SLC16A4: variants seen among roughly 807,000 people sequenced by gnomAD.
SLC16A4 encodes solute carrier family 16 member 4.
SLC16A4 carries 39 observed loss-of-function variants against 47.9 expected under a neutral mutation model. The observed-to-expected ratio is 0.81, with a 90% CI of 0.63 to 1.06. The LOEUF is 1.06. SLC16A4 is among the 50% of genes least tolerant of loss of function. SLC16A4 has a pLI of 0.00. For synonymous variants in SLC16A4, 189 were observed against 199.9 expected (o/e 0.95, Z 0.46); for missense variants, 524 against 573.8 (o/e 0.91, Z 0.89).
chr1:110,366,242 C>G (rs1375079407), intron 8 of SLC16A4, among the ~76,000 whole-genome samples: 2 of 152,028 alleles, frequency 1.3e-5, no homozygotes, highest in Admixed American at 1.3e-4. Flanking sequence ...ACTGCAACCT[C>G]CGACCCGCAG....
chr1:110,373,443 T>C (rs1473800330), intron 8 of SLC16A4, among the ~76,000 whole-genome samples: 5 of 152,300 alleles, frequency 3.3e-5, no homozygotes, highest in African/African-American at 4.8e-5. Flanking sequence ...AAGGTACTTC[T>C]GGTATTTGGC....
At chr1:110,388,320 C>T (rs996226351) in intron 2 of SLC16A4, among the ~76,000 whole-genome samples, 3 of 152,150 alleles carry the variant, frequency 2.0e-5, no homozygotes, top group South Asian at 2.1e-4. Context: ...TGGAATGCCT[C>T]GTCTAGTTGC....
intron 1 of SLC16A4, among the ~76,000 whole-genome samples, 196 bp downstream of exon 1, chr1:110,390,669 A>G (rs1191524892): frequency 1.3e-5 from 2 of 152,214 alleles, no homozygotes; most frequent in Non-Finnish European, 2.9e-5. Flanking sequence ...GCAAAAAGAA[A>G]ATGTAAATGT....
chr1:110,363,934 G>T, intron 8 of SLC16A4, 41 bp from the exon 9 acceptor site: 1 of 1,585,768 alleles, frequency 6.3e-7, no homozygotes, highest in Non-Finnish European at 8.5e-7. Context: ...AGGAAATTTT[G>T]CCATTAGTAA....
intron 8 of SLC16A4, chr1:110,375,147 T>TTTAA: frequency 4.9e-6 from 1 of 204,380 alleles, no homozygotes; most frequent in Admixed American, 5.7e-5. Flanking sequence ...TTTTTTTTTT[T>TTTAA]AAAGCATCAT....
At chr1:110,378,707 T>C in intron 6 of SLC16A4, 146 bp downstream of exon 6, 1 of 867,928 alleles carries the variant, frequency 1.2e-6, no homozygotes, top group Non-Finnish European at 1.7e-6. Context: ...GCCCAGGTGC[T>C]CCATCTAGCC....
chr1:110,389,112 C>T (rs907314392), intron 2 of SLC16A4, 125 bp downstream of exon 2: 40 of 866,462 alleles, frequency 4.6e-5, no homozygotes, highest in African/African-American at 1.0e-4. Flanking sequence ...GGCCTTGTTC[C>T]TGCCCACCCC....
intron 5 of SLC16A4, 44 bp downstream of exon 5, chr1:110,380,938 T>C: frequency 1.3e-6 from 2 of 1,568,642 alleles, no homozygotes; most frequent in Non-Finnish European, 1.8e-6. Context: ...AGCTGAACGC[T>C]AAATCTTGCA....
rs1168628124 is a variant in SLC16A4 at position 110,379,150 on chromosome 1, C to T, written c.733G>A (p.Ala245Thr). ...STIKDSTTQK[A>T]GLPSKNLTVS... ...GTTAAATTTTTGCTAGGTAGTCCAG[C>T]CTTCTGCGTAGTACTGTCCTTGATG... The change falls in exon 6 of 9, where the codon GCT (alanine) becomes ACT (threonine). Residue 245 changes from alanine (A) to threonine (T), a missense_variant. By Grantham distance (58) the Ala-to-Thr change is moderately conservative. Coordinates refer to ENST00000369779, the MANE Select transcript of SLC16A4 (RefSeq NM_004696.3). 2.5e-6 allele frequency: 4 copies of T among 1,614,094 alleles called. No homozygotes were observed. The highest frequency in any genetic ancestry group is 2.5e-6 in the Non-Finnish European group (3 of 1,180,058).
chr1:110,383,805 G>GGTTTTTTTTT (rs1557913543), intron 2 of SLC16A4, among the ~76,000 whole-genome samples: 5 of 65,738 alleles, frequency 7.6e-5, no homozygotes, highest in East Asian at 1.1e-3. Flanking sequence ...TTAAAAGGAG[G>GGTTTTTTTTT]TTTTTTTTTT....
In SLC16A4 at chr1:110,382,864, A is replaced by G. The variant is rs1349602539; in HGVS notation, c.190T>C (p.Ser64Pro). 1 of 1,611,024 alleles carries G rather than the reference A, an allele frequency of 6.2e-7. No homozygotes were observed. Among genetic ancestry groups the G allele is most frequent in the African/African-American group, 1.3e-5 (1 of 74,868 alleles). Residue 64 changes from serine (S) to proline (P), a missense_variant, in exon 3 of 9, where the codon TCC becomes CCC. Physicochemically the swap from Ser to Pro is moderately conservative, Grantham distance 74. Transcript: ENST00000369779. ...GTSEQIGWIG[S>P]IMSSLRFCAG... The stretch of plus-strand genomic sequence containing the variant: ...CAAAAACGAAGAGATGACATGATGG[A>G]TCCAATCCAACCAATTTGCTCTGAG...
At chr1:110,364,096 G>A (rs528171498) in intron 8 of SLC16A4, among the ~76,000 whole-genome samples, 2 of 152,296 alleles carry the variant, frequency 1.3e-5, no homozygotes, top group South Asian at 4.1e-4. Flanking sequence ...CAATCTTACA[G>A]TGGAAGTTGG....
At position 110,379,483 on chromosome 1, in the gene SLC16A4, G is replaced by A. The variant is rs115233913; in HGVS notation, c.527-127C>T. On this transcript the variant is annotated intron_variant, in intron 5 of 8. Transcript: ENST00000369779. ...TTCTTGAAAACATTACTTTGTCTCC[G>A]ATTTGACTTATTAGTCATATACACT... is the stretch of plus-strand genomic sequence containing the variant. The A allele has an allele frequency of 2.2e-3, 1,890 of 857,562 alleles. 44 individuals are homozygous for A. In the African/African-American group the frequency reaches 0.029, roughly 13 times the overall value. 53.1% of individuals were successfully genotyped at this position (857,562 alleles called of 1,614,324 possible). A position where few individuals can be genotyped will look rare whatever the true frequency, so the allele number is the denominator to read the frequency against.
At chr1:110,380,103 CT>C (rs1345451580) in intron 5 of SLC16A4, among the ~76,000 whole-genome samples, 1 of 140,986 alleles carries the variant, frequency 7.1e-6, no homozygotes, top group Non-Finnish European at 1.5e-5. Flanking sequence ...CATGGATAGC[CT>C]TTCATCCCAT....
At chr1:110,368,919 G>A (rs1327877923) in intron 8 of SLC16A4, among the ~76,000 whole-genome samples, 3 of 151,612 alleles carry the variant, frequency 2.0e-5, no homozygotes, top group Admixed American at 6.6e-5. Context: ...AGACATCTCA[G>A]AATCTCAGAA....
intron 2 of SLC16A4, among the ~76,000 whole-genome samples, chr1:110,384,759 C>G (rs1429261135): frequency 6.6e-6 from 1 of 152,180 alleles, no homozygotes; most frequent in Non-Finnish European, 1.5e-5. Context: ...GCCTATAATC[C>G]TAGTACTTTG....
chr1:110,378,701 A>G, intron 6 of SLC16A4, 152 bp downstream of exon 6: 6 of 786,300 alleles, frequency 7.6e-6, no homozygotes, highest in Non-Finnish European at 1.2e-5. Context: ...GGAAATGCCC[A>G]GGTGCTCCAT....
At chr1:110,364,434 A>G (rs1661257688) in intron 8 of SLC16A4, among the ~76,000 whole-genome samples, 1 of 151,188 alleles carries the variant, frequency 6.6e-6, no homozygotes, top group South Asian at 2.1e-4. Context: ...AGAAGATATG[A>G]GAAGGAACTG....
In SLC16A4 at chr1:110,377,011, G is replaced by C. The variant is rs1662043671; in HGVS notation, c.1181C>G (p.Thr394Ser). ...PLATTFPLLM[T>S]YTICFAIFAG... The stretch of plus-strand genomic sequence containing the variant: ...AAAGATGGCAAAGCAGATGGTGTAG[G>C]TCATAAGTAGTGGAAATGTGGTGGC... Residue 394 changes from threonine (T) to serine (S), a missense_variant, in exon 7 of 9, where the codon ACC (threonine) becomes AGC (serine). Physicochemically the swap from Thr to Ser is moderately conservative, Grantham distance 58. Coordinates refer to ENST00000369779, the MANE Select transcript of SLC16A4 (RefSeq NM_004696.3). 1.2e-6 allele frequency: 2 copies of C among 1,613,724 alleles called. No individual in the cohort carries two copies. The highest frequency in any genetic ancestry group is 2.7e-5 in the African/African-American group (2 of 74,814).
Sources: gnomAD v4.1 joint callset for allele counts (sites outside exome capture counted in the v4.1 genomes callset) on GRCh38, gnomAD v4.1.1 for gene constraint, MANE v1.5 for transcripts, NCBI Gene and HGNC (gene_info 2026-07-23, HGNC 2026-07-21) for gene names.